SNX29: variants seen among roughly 807,000 people sequenced by gnomAD.
The protein encoded by SNX29 is sorting nexin-29.
In SNX29, 78 loss-of-function variants were observed where a neutral mutation model predicts 102.1. The ratio of observed to expected loss-of-function variants is 0.76; its 90% CI spans 0.64 to 0.92. The LOEUF (loss-of-function observed/expected upper bound fraction) is 0.92, where lower values mean the gene tolerates loss of function less well. SNX29 is among the 40% of genes least tolerant of loss of function. The pLI, the probability that SNX29 is intolerant of heterozygous loss-of-function variation, is 0.00. For synonymous variants in SNX29, 580 were observed against 414.5 expected, an observed-to-expected ratio of 1.40 and a Z score of -4.85; for missense variants, 1,280 against 1,061.7, an observed-to-expected ratio of 1.21 and a Z score of -2.86.
chr16:12,531,924 C>G (rs537114461), intron 20 of SNX29, among the ~76,000 whole-genome samples: 2 of 152,310 alleles, frequency 1.3e-5, no homozygotes, highest in South Asian at 4.1e-4. Context: ...AAAAACCAGT[C>G]AAGAGGTCGG....
chr16:12,549,554 G>A (rs900337177), intron 20 of SNX29, among the ~76,000 whole-genome samples: 3 of 133,818 alleles, frequency 2.2e-5, no homozygotes, highest in African/African-American at 9.1e-5. Flanking sequence ...GGCATGGAGT[G>A]GGCTTCCACC....
At chr16:12,118,591 C>T (rs1210005684) in intron 11 of SNX29, among the ~76,000 whole-genome samples, 1 of 152,046 alleles carries the variant, frequency 6.6e-6, no homozygotes, top group East Asian at 1.9e-4. Context: ...GTTGGTATGA[C>T]AGGTGTGAGC....
chr16:12,146,595 T>A (rs1244206132), intron 13 of SNX29, among the ~76,000 whole-genome samples: 1 of 152,102 alleles, frequency 6.6e-6, no homozygotes, highest in Non-Finnish European at 1.5e-5. Context: ...ATGGCCCAAG[T>A]TCTTGGCGGC....
rs2082439344 is a variant in SNX29, at chr16:12,573,728, G to T, written c.*5099G>T. ...GAGGACAGTAGCACACGGAATGGTG[G>T]ATCGTACATTTGCACCCAGAGCTAC... On this transcript the variant is annotated 3_prime_UTR_variant, in exon 21 of 21. Transcript: ENST00000566228. The T allele has an allele frequency of 8.9e-6, 2 of 223,878 alleles. No homozygotes were observed. The highest frequency in any genetic ancestry group is 1.8e-5 in the Non-Finnish European group (2 of 112,234). The allele number at this position is 223,878 out of a possible 1,614,324, so 13.9% of individuals were successfully genotyped here. A position where few individuals can be genotyped will look rare whatever the true frequency, so the allele number is the denominator to read the frequency against.
intron 19 of SNX29, among the ~76,000 whole-genome samples, chr16:12,496,725 G>A (rs558422728): frequency 3.9e-5 from 6 of 152,150 alleles, no homozygotes; most frequent in African/African-American, 1.2e-4. Context: ...TGGCCAGGCC[G>A]ATCTCGAACT....
intron 4 of SNX29, among the ~76,000 whole-genome samples, chr16:12,038,542 T>G (rs1481246538): frequency 6.6e-6 from 1 of 152,194 alleles, no homozygotes; most frequent in Non-Finnish European, 1.5e-5. Context: ...CTAAATTAAA[T>G]TACGGACACC....
Position 12,069,085 on chromosome 16 carries a change from G to T in SNX29, c.1272G>T (p.Gly424=). The change falls in exon 10 of 21, where the codon GGG becomes GGT. Residue 424 remains glycine, a synonymous_variant. Transcript: ENST00000566228. ...ADAPLGSLEN[G]TGPEDHVLPD... ...CCCCCCTCGGAAGCCTGGAGAACGG[G>T]ACAGGACCAGAGGACCACGTTCTCC... 1 of 1,613,938 alleles carries T rather than the reference G, an allele frequency of 6.2e-7. No individual in the cohort carries two copies. Among genetic ancestry groups the T allele is most frequent in the Non-Finnish European group, 8.5e-7 (1 of 1,179,840 alleles).
chr16:12,074,787 C>T (rs1022489981), intron 10 of SNX29, among the ~76,000 whole-genome samples: 35 of 152,210 alleles, frequency 2.3e-4, no homozygotes, highest in African/African-American at 6.5e-4. Context: ...TTCTCCCCGT[C>T]ACTTTCAGGT....
chr16:12,537,011 C>T (rs1016690609), intron 20 of SNX29, among the ~76,000 whole-genome samples: 4 of 152,160 alleles, frequency 2.6e-5, no homozygotes, highest in African/African-American at 4.8e-5. Flanking sequence ...TTGTTCAGGG[C>T]ATGGGGGCCG....
intron 8 of SNX29, 74 bp from the exon 9 acceptor site, chr16:12,061,454 G>A (rs2050771002): frequency 1.6e-6 from 2 of 1,254,438 alleles, no homozygotes; most frequent in South Asian, 1.3e-5. Context: ...GGAGGGTGCT[G>A]TGGATGCTTG....
chr16:11,987,634 ATCTG>A (rs1317583173), intron 1 of SNX29, among the ~76,000 whole-genome samples: 1 of 151,894 alleles, frequency 6.6e-6, no homozygotes, highest in Non-Finnish European at 1.5e-5. Flanking sequence ...TGGCCTTGTG[ATCTG>A]TCTGTCTTGG....
At chr16:12,525,454 C>G (rs1403544737) in intron 20 of SNX29, among the ~76,000 whole-genome samples, 2 of 152,108 alleles carry the variant, frequency 1.3e-5, no homozygotes, top group African/African-American at 4.8e-5. Flanking sequence ...GGGTGGATCA[C>G]CTGAGGTCGG....
chr16:12,344,773 G>T (rs2081738700), intron 15 of SNX29, among the ~76,000 whole-genome samples: 1 of 152,214 alleles, frequency 6.6e-6, no homozygotes, highest in Non-Finnish European at 1.5e-5. Context: ...AAGGCTTTCT[G>T]TGCTGGGGAG....
chr16:12,380,236 T>G (rs2083022910), intron 16 of SNX29, among the ~76,000 whole-genome samples: 1 of 145,654 alleles, frequency 6.9e-6, no homozygotes, highest in African/African-American at 2.8e-5. Context: ...GGTACAGGCT[T>G]AGACAATCTG....
chr16:12,224,362 A>G (rs537266324), intron 14 of SNX29, among the ~76,000 whole-genome samples: 157 of 152,200 alleles, frequency 1.0e-3, no homozygotes, highest in African/African-American at 3.7e-3. Context: ...GCCATAGGCC[A>G]GGCCCCGGTG....
chr16:12,294,219 G>A (rs1043162675), intron 15 of SNX29, among the ~76,000 whole-genome samples: 2 of 152,212 alleles, frequency 1.3e-5, no homozygotes, highest in African/African-American at 4.8e-5. Flanking sequence ...TTTCCAATGT[G>A]TAGCATTTAT....
chr16:12,240,038 CG>C (rs1471259201), intron 14 of SNX29, among the ~76,000 whole-genome samples: 2 of 152,176 alleles, frequency 1.3e-5, no homozygotes, highest in Non-Finnish European at 2.9e-5. Context: ...TGCATTCTCT[CG>C]TTTCACTTGG....
At chr16:12,123,165 T>C (rs2054050802) in intron 11 of SNX29, among the ~76,000 whole-genome samples, 1 of 152,202 alleles carries the variant, frequency 6.6e-6, no homozygotes, top group South Asian at 2.1e-4. Flanking sequence ...AAAAATTGTA[T>C]GTATTCAGGG....
intron 9 of SNX29, among the ~76,000 whole-genome samples, chr16:12,063,770 T>G (rs1017513157): frequency 1.3e-5 from 2 of 151,588 alleles, no homozygotes; most frequent in African/African-American, 4.9e-5. Context: ...CCAACTGGAA[T>G]TTCTCATGGG....
Sources: allele counts gnomAD v4.1 joint callset (sites outside exome capture counted in the v4.1 genomes callset), GRCh38; gene constraint gnomAD v4.1.1; transcripts MANE v1.5; gene names NCBI Gene and HGNC (gene_info 2026-07-23, HGNC 2026-07-21).